Variants in NFXL1 observed in about 807,000 individuals in gnomAD.
NFXL1 encodes NF-X1-type zinc finger protein NFXL1.
Under a neutral mutation model 123.3 loss-of-function variants are expected in NFXL1, and 66 were observed. The observed-to-expected ratio is 0.54, with a 90% CI of 0.44 to 0.66. NFXL1 has a LOEUF of 0.66. NFXL1 is among the 30% of genes least tolerant of loss of function. The pLI is 0.00. For missense variants in NFXL1, 944 were observed against 1,125.6 expected, an observed-to-expected ratio of 0.84 and a Z score of 2.31; for synonymous variants, 346 against 360.8, an observed-to-expected ratio of 0.96 and a Z score of 0.46.
At chr4:47,891,580 C>T (rs568424033) in intron 11 of NFXL1, among the ~76,000 whole-genome samples, 1 of 152,214 alleles carries the variant, frequency 6.6e-6, no homozygotes, top group East Asian at 1.9e-4. Context: ...ATCATGGACA[C>T]CAGTCAACTA....
chr4:47,914,415 G>GGA lies in NFXL1; in HGVS notation c.-55_-54dup, dbSNP rs911780839. On this transcript the variant is annotated 5_prime_UTR_variant, in exon 1 of 23. Transcript: ENST00000507489. ...GGGCTTTGGAGATGGACCGAAGAGG[G>GGA]GAGGGAGGACTAGGTACAGAAATAA... 1.9e-6 allele frequency: 1 copy of GGA among 526,974 alleles called. No homozygotes were observed. The highest frequency in any genetic ancestry group is 1.9e-5 in the African/African-American group (1 of 52,240). The allele number at this position is 526,974 out of a possible 1,614,324, so 32.6% of individuals were successfully genotyped here.
rs1387990085 is a variant in NFXL1 at position 47,862,898 on chromosome 4, T to A, written c.2264A>T (p.Asp755Val). ...YVECRKITTA[D>V]VNEKNLLSCC... Reference sequence around the variant, plus strand: ...ACTGAGGAGGTTCTTTTCATTTACATCAGCTGTGGTTATTTTTCTAAAAAT... The same window carrying A: ...ACTGAGGAGGTTCTTTTCATTTACAACAGCTGTGGTTATTTTTCTAAAAAT... Residue 755 changes from aspartate to valine, a missense_variant, in exon 19 of 23, where the codon GAT becomes GTT. Asp to Val is a radical substitution (Grantham distance 152). Around this residue, in one of 4 missense-constraint regions of NFXL1, gnomAD observed 301 missense variants for 348.0 expected, o/e 0.86. Transcript: ENST00000507489. The A allele has an allele frequency of 4.4e-6, 7 of 1,573,182 alleles. No individual in the cohort carries two copies. The highest frequency in any genetic ancestry group is 6.0e-6 in the Non-Finnish European group (7 of 1,162,908).
chr4:47,905,437 T>C, intron 3 of NFXL1, 91 bp from the exon 4 acceptor site: 1 of 607,550 alleles, frequency 1.6e-6, no homozygotes, highest in Non-Finnish European at 3.0e-6. Flanking sequence ...AAGAACTGTC[T>C]AGCAATATCA....
intron 18 of NFXL1, among the ~76,000 whole-genome samples, chr4:47,870,685 T>C (rs771210233): frequency 6.6e-6 from 1 of 151,804 alleles, no homozygotes; most frequent in Non-Finnish European, 1.5e-5. Context: ...ACAGAGAGCC[T>C]AGAAGCAATG....
intron 12 of NFXL1, among the ~76,000 whole-genome samples, chr4:47,889,688 C>A (rs150689243): frequency 3.5e-4 from 54 of 152,298 alleles, no homozygotes; most frequent in African/African-American, 1.3e-3. Flanking sequence ...TACCATATCT[C>A]AGTAGATTCC....
rs546077659 is a variant in NFXL1, at chr4:47,888,987, C to T, written c.1543+1626G>A. Among the ~76,000 whole-genome samples the T allele has an allele frequency of 9.2e-5, 14 of 152,258 alleles. No individual in the cohort carries two copies. The East Asian group carries it at 2.7e-3, about 29-fold the overall frequency. ...AGACAAATACTGAAATATTTATGGG[C>T]TTTGCTTCACAAAAATATGAGACAG... On this transcript the variant is annotated intron_variant, in intron 12 of 22. Coordinates refer to ENST00000507489, the MANE Select transcript of NFXL1 (RefSeq NM_001278624.2).
intron 19 of NFXL1, among the ~76,000 whole-genome samples, chr4:47,861,857 G>A (rs1464771992): frequency 6.6e-6 from 1 of 152,084 alleles, no homozygotes; most frequent in African/African-American, 2.4e-5. Flanking sequence ...TATTAAAAAG[G>A]TATGTAATGT....
chr4:47,893,820 A>C (rs1736918128), intron 11 of NFXL1, among the ~76,000 whole-genome samples: 1 of 152,130 alleles, frequency 6.6e-6, no homozygotes, highest in Admixed American at 6.5e-5. Flanking sequence ...AAGCTCTTTA[A>C]AAGATAACTG....
chr4:47,904,926 T>TTTA (rs1271445217), intron 4 of NFXL1, among the ~76,000 whole-genome samples: 5 of 143,716 alleles, frequency 3.5e-5, no homozygotes, highest in African/African-American at 5.1e-5. Flanking sequence ...TAAAATATAG[T>TTTA]ACATTTAACA....
At chr4:47,854,965 A>G in intron 20 of NFXL1, 94 bp downstream of exon 20, 1 of 436,442 alleles carries the variant, frequency 2.3e-6, no homozygotes, top group Non-Finnish European at 4.1e-6. Flanking sequence ...AAGCCAAACA[A>G]CTACCAAAAC....
intron 19 of NFXL1, among the ~76,000 whole-genome samples, chr4:47,859,865 A>AAAAAC (rs1286948878): frequency 4.9e-4 from 18 of 36,818 alleles, no homozygotes; most frequent in African/African-American, 1.5e-3. Context: ...AAAAAAAAAA[A>AAAAAC]AAAAACAAAC....
intron 3 of NFXL1, among the ~76,000 whole-genome samples, chr4:47,905,667 T>C (rs1030993000): frequency 7.0e-6 from 1 of 142,218 alleles, no homozygotes; most frequent in Non-Finnish European, 1.5e-5. Context: ...ATGTAAAGTC[T>C]TAAGGAAAAG....
intron 11 of NFXL1, among the ~76,000 whole-genome samples, chr4:47,892,716 G>T (rs1736851536): frequency 6.6e-6 from 1 of 152,094 alleles, no homozygotes; most frequent in Non-Finnish European, 1.5e-5. Context: ...CAGTTTTTGA[G>T]TAACTTAACT....
chr4:47,914,226 A>G, intron 1 of NFXL1, 21 bp from the exon 2 acceptor site: 1 of 1,452,672 alleles, frequency 6.9e-7, no homozygotes, highest in South Asian at 1.4e-5. Context: ...GAAAAAAAAA[A>G]AAAAGAGTGG....
Position 47,885,957 on chromosome 4 carries a change from T to C in NFXL1, c.1586A>G (p.Asn529Ser), listed in dbSNP as rs765026256. 4 of 1,613,718 alleles carry C rather than the reference T, an allele frequency of 2.5e-6. No individual in the cohort carries two copies. The highest frequency in any genetic ancestry group is 1.1e-5 in the South Asian group (1 of 91,052). Reference sequence around the variant, plus strand: ...CACTGTCACCTTTGTATTGCCACAATTACACTTCACATCTACGGTTTCTGG... The same window carrying C: ...CACTGTCACCTTTGTATTGCCACAACTACACTTCACATCTACGGTTTCTGG... ...PCPETVDVKC[N>S]CGNTKVTVPC... The change falls in exon 13 of 23, where the codon AAT (asparagine) becomes AGT (serine). Residue 529 changes from asparagine (N) to serine (S), a missense_variant. Physicochemically the swap from Asn to Ser is conservative, Grantham distance 46. Around this residue, in one of 4 missense-constraint regions of NFXL1, gnomAD observed 296 missense variants for 395.1 expected, o/e 0.75. Transcript: ENST00000507489.
chr4:47,861,708 A>T (rs1422049558), intron 19 of NFXL1, among the ~76,000 whole-genome samples: 1 of 152,194 alleles, frequency 6.6e-6, no homozygotes, highest in Non-Finnish European at 1.5e-5. Context: ...TTTCACTTAT[A>T]AAGACAGGAT....
chr4:47,874,090 C>G (rs1171779391), intron 18 of NFXL1, among the ~76,000 whole-genome samples: 1 of 152,152 alleles, frequency 6.6e-6, no homozygotes, highest in Non-Finnish European at 1.5e-5. Flanking sequence ...AGGAACATCT[C>G]TAAATGTTGT....
chr4:47,909,008 T>C (rs1334553014), intron 3 of NFXL1, among the ~76,000 whole-genome samples: 1 of 148,182 alleles, frequency 6.7e-6, no homozygotes, highest in East Asian at 2.0e-4. Flanking sequence ...GCAGTTACGA[T>C]AGAAAATCTC....
At chr4:47,874,709 CA>C (rs79897386) in intron 18 of NFXL1, among the ~76,000 whole-genome samples, 8 of 65,550 alleles carry the variant, frequency 1.2e-4, no homozygotes, top group Non-Finnish European at 2.9e-4. Flanking sequence ...TGCAGGTTGA[CA>C]AACTCCAATT....
Sources: allele counts gnomAD v4.1 joint callset (sites outside exome capture counted in the v4.1 genomes callset), GRCh38; gene constraint gnomAD v4.1.1; regional missense constraint gnomAD v4.1.1; transcripts MANE v1.5; gene names NCBI Gene and HGNC (gene_info 2026-07-23, HGNC 2026-07-21).